CDCP2: variants seen among roughly 807,000 people sequenced by gnomAD.
The protein encoded by CDCP2 is CUB domain-containing protein 2.
A neutral mutation model predicts 31.0 loss-of-function variants in CDCP2; 31 were observed. The observed-to-expected ratio is 1.00, with a 90% CI of 0.75 to 1.35. The LOEUF is 1.35. Among genes scored for constraint, CDCP2 ranks in the 40% most tolerant of loss-of-function variants. The pLI is 0.00. For missense variants in CDCP2, 443 were observed against 482.6 expected (o/e 0.92, Z 0.77); for synonymous variants, 206 against 207.9 (o/e 0.99, Z 0.08).
At chr1:54,146,644 C>G (rs114920861) in intron 1 of CDCP2, among the ~76,000 whole-genome samples, 1 of 151,772 alleles carries the variant, frequency 6.6e-6, no homozygotes, top group Non-Finnish European at 1.5e-5. Flanking sequence ...TCTAGGCTTT[C>G]GATTAGGATT....
At chr1:54,143,175 A>C (rs113791167) in intron 2 of CDCP2, among the ~76,000 whole-genome samples, 1,992 of 152,146 alleles carry the variant, frequency 0.013, 49 homozygotes, top group East Asian at 0.11. Context: ...GTCTCTACCA[A>C]AAATACAAAA....
chr1:54,136,751 T>C (rs567396953), exon 5 of CDCP2: 14 of 399,132 alleles, frequency 3.5e-5, no homozygotes, highest in African/African-American at 2.7e-4. Flanking sequence ...GGCCAGCGCC[T>C]GCGTGGAGAT....
intron 4 of CDCP2, chr1:54,139,471 G>A (rs1414358678): frequency 6.9e-7 from 1 of 1,453,846 alleles, no homozygotes. Context: ...AGAGGGGCCA[G>A]GGGCCCAGGG....
At chr1:54,147,522 A>T (rs892562092) in intron 1 of CDCP2, among the ~76,000 whole-genome samples, 8 of 151,728 alleles carry the variant, frequency 5.3e-5, no homozygotes, top group African/African-American at 1.9e-4. Context: ...GACTGCCACT[A>T]TGCCCAGCTA....
At chr1:54,141,194 G>T (rs202201685) in exon 3 of CDCP2, 1 of 1,600,342 alleles carries the variant, frequency 6.2e-7, no homozygotes, top group African/African-American at 1.3e-5. Flanking sequence ...AGGGTGGGGG[G>T]CCTGGTGCTG....
At chr1:54,137,362 C>G (rs529867161) in intron 4 of CDCP2, among the ~76,000 whole-genome samples, 1 of 152,088 alleles carries the variant, frequency 6.6e-6, no homozygotes, top group South Asian at 2.1e-4. Flanking sequence ...AAAGAAGAAA[C>G]AGCGGGAGAG....
In CDCP2 at chr1:54,144,515, G is replaced by C. The variant is rs1030806689; in HGVS notation, c.378C>G (p.His126Gln). ...CATGGCTGGCCACATGCTTGTCCGA[G>C]TGGAAGATGACAGACATGACATGCC... Residue 126 changes from histidine to glutamine, a missense_variant, in exon 2 of 6, where the codon CAC becomes CAG. His to Gln is a conservative substitution (Grantham distance 24, BLOSUM62 0). Transcript: ENST00000530059. The C allele has an allele frequency of 3.1e-6, 5 of 1,605,872 alleles. No individual in the cohort carries two copies. In the Admixed American group the frequency reaches 8.4e-5, roughly 27 times the overall value.
exon 4 of CDCP2, chr1:54,139,912 C>T (rs777986947): frequency 6.2e-7 from 1 of 1,614,180 alleles, no homozygotes; most frequent in Admixed American, 1.7e-5. Flanking sequence ...TCGAAGGCCG[C>T]CAGATGGTCA....
chr1:54,135,853 A>G (rs1333011384), intron 5 of CDCP2, among the ~76,000 whole-genome samples: 3 of 152,226 alleles, frequency 2.0e-5, no homozygotes, highest in African/African-American at 4.8e-5. Flanking sequence ...TGGAAAGCAC[A>G]TAATTTCTGC....
At chr1:54,137,265 C>CT (rs1192924426) in intron 4 of CDCP2, among the ~76,000 whole-genome samples, 2 of 152,096 alleles carry the variant, frequency 1.3e-5, no homozygotes, top group Admixed American at 6.5e-5. Context: ...AAATTCTTGC[C>CT]TTGTGGAGCT....
chr1:54,142,760 T>C (rs931416935), intron 2 of CDCP2: 5 of 152,258 alleles, frequency 3.3e-5, no homozygotes, highest in East Asian at 3.8e-4. Flanking sequence ...TTAGATAGCC[T>C]GTGAGATCCC....
intron 4 of CDCP2, chr1:54,139,504 G>T (rs636533): frequency 1.2e-6 from 2 of 1,602,724 alleles, no homozygotes; most frequent in Non-Finnish European, 1.7e-6. Flanking sequence ...ATGGGGAGGG[G>T]TGAGGACTCA....
rs372468657 is a variant in CDCP2, at chr1:54,141,419, C to T, written c.442G>A (p.Val148Ile). ...AGGACCCCTGACAGGCCAGTCAGGA[C>T]GCCGCCACACACATCTGCAAGGGAG... Residue 148 changes from valine (V) to isoleucine (I), a missense_variant, in exon 3 of 6, where the codon GTC (valine) becomes ATC (isoleucine). Physicochemically the swap from Val to Ile is conservative, Grantham distance 29. Coordinates refer to ENST00000530059, the Ensembl canonical transcript of CDCP2. 7.0e-5 allele frequency: 113 copies of T among 1,605,164 alleles called. No homozygotes were observed. The highest frequency in any genetic ancestry group is 3.4e-4 in the South Asian group (31 of 90,008).
chr1:54,141,396 G>T (rs1303061749), exon 3 of CDCP2: 3 of 1,613,196 alleles, frequency 1.9e-6, no homozygotes, highest in Non-Finnish European at 2.5e-6. Flanking sequence ...GACTGGTGAG[G>T]ACCCCTGACA....
chr1:54,139,998 G>C, exon 4 of CDCP2: 5 of 1,614,036 alleles, frequency 3.1e-6, no homozygotes, highest in South Asian at 1.1e-5. Flanking sequence ...CTGGTAGCCC[G>C]GGGGCAGGCG....
exon 2 of CDCP2, chr1:54,144,474 T>C: frequency 6.4e-7 from 1 of 1,572,484 alleles, no homozygotes; most frequent in Non-Finnish European, 8.6e-7. Context: ...ACCTTTCTGG[T>C]AGCCCGCAGA....
chr1:54,151,748 A>G (rs1341422562), intron 1 of CDCP2, among the ~76,000 whole-genome samples: 2 of 152,190 alleles, frequency 1.3e-5, no homozygotes, highest in Non-Finnish European at 2.9e-5. Flanking sequence ...ACAGACAGGT[A>G]AACAATGCTT....
intron 1 of CDCP2, among the ~76,000 whole-genome samples, chr1:54,147,268 TTA>T (rs1659490877): frequency 6.6e-6 from 1 of 151,854 alleles, no homozygotes; most frequent in Admixed American, 6.6e-5. Context: ...TTGGTTTATT[TTA>T]GAGGTTGCTA....
intron 1 of CDCP2, among the ~76,000 whole-genome samples, chr1:54,149,941 TGTA>T (rs1404554444): frequency 1.3e-5 from 2 of 152,270 alleles, no homozygotes; most frequent in Non-Finnish European, 2.9e-5. Context: ...AGTCACTTGT[TGTA>T]GTGAACATCT....
Sources: allele counts gnomAD v4.1 joint callset (sites outside exome capture counted in the v4.1 genomes callset), GRCh38; gene constraint gnomAD v4.1.1; transcripts MANE v1.5; gene names NCBI Gene and HGNC (gene_info 2026-07-23, HGNC 2026-07-21).